The following GTF2F2 variants were observed in gnomAD, a reference collection of about 807,000 sequenced individuals.
GTF2F2 encodes general transcription factor IIF subunit 2, also known as ATP-dependent helicase GTF2F2.
GTF2F2 carries 23 observed loss-of-function variants against 42.2 expected under a neutral mutation model. The observed-to-expected ratio is 0.55, with a 90% CI of 0.39 to 0.77. The LOEUF (loss-of-function observed/expected upper bound fraction) is 0.77, where lower values mean the gene tolerates loss of function less well. Among genes scored for constraint, GTF2F2 ranks in the 30% least tolerant of loss-of-function variants. The probability of loss-of-function intolerance (pLI) is 0.00; values close to 1 mark genes in which losing one functional copy is unlikely to be tolerated. For missense variants in GTF2F2, 261 were observed against 287.2 expected (o/e 0.91, Z 0.66); for synonymous variants, 105 against 100.8 (o/e 1.04, Z -0.25).
intron 5 of GTF2F2, among the ~76,000 whole-genome samples, chr13:45,236,486 CACAT>C (rs1251130075): frequency 8.2e-6 from 1 of 121,300 alleles, no homozygotes; most frequent in African/African-American, 4.3e-5. Context: ...CCCCCCGCCA[CACAT>C]ACACACACAC....
At chr13:45,172,597 G>A (rs537622212) in intron 4 of GTF2F2, among the ~76,000 whole-genome samples, 2 of 152,156 alleles carry the variant, frequency 1.3e-5, no homozygotes, top group East Asian at 3.9e-4. Flanking sequence ...CTTTGATTTA[G>A]GTTCTGATCC....
intron 4 of GTF2F2, among the ~76,000 whole-genome samples, chr13:45,165,326 TATATA>T (rs1566120014): frequency 3.0e-5 from 4 of 132,014 alleles, no homozygotes; most frequent in African/African-American, 1.3e-4. Flanking sequence ...TATATATATA[TATATA>T]TTTTTTTTTT....
intron 5 of GTF2F2, among the ~76,000 whole-genome samples, chr13:45,243,817 C>A (rs1010743088): frequency 6.6e-6 from 1 of 152,134 alleles, no homozygotes; most frequent in Non-Finnish European, 1.5e-5. Context: ...GCTGCCACCA[C>A]ACCCAGCTAA....
intron 4 of GTF2F2, among the ~76,000 whole-genome samples, chr13:45,197,913 A>C (rs1476228292): frequency 6.6e-6 from 1 of 152,250 alleles, no homozygotes; most frequent in African/African-American, 2.4e-5. Context: ...CACATGTCAA[A>C]GATTAGCTTA....
At chr13:45,264,277 TA>T (rs1319146078) in intron 6 of GTF2F2, among the ~76,000 whole-genome samples, 3 of 151,048 alleles carry the variant, frequency 2.0e-5, no homozygotes, top group East Asian at 1.9e-4. Context: ...TTTTTATTTT[TA>T]TTTTTTTATT....
At chr13:45,197,859 C>T (rs553451897) in intron 4 of GTF2F2, among the ~76,000 whole-genome samples, 6 of 152,162 alleles carry the variant, frequency 3.9e-5, no homozygotes, top group Non-Finnish European at 7.4e-5. Context: ...AGATACAAAC[C>T]GGAACTGCTC....
intron 2 of GTF2F2, among the ~76,000 whole-genome samples, chr13:45,140,099 T>C (rs956917932): frequency 6.6e-6 from 1 of 152,016 alleles, no homozygotes; most frequent in Non-Finnish European, 1.5e-5. Context: ...AGGCAAGCAC[T>C]GCCATGCCCA....
chr13:45,264,253 T>C (rs1298269082), intron 6 of GTF2F2, among the ~76,000 whole-genome samples: 1 of 151,426 alleles, frequency 6.6e-6, no homozygotes. Context: ...CAAGATTTTT[T>C]TTTTATTTTT....
At chr13:45,261,202 G>A (rs959889195) in intron 6 of GTF2F2, among the ~76,000 whole-genome samples, 10 of 152,146 alleles carry the variant, frequency 6.6e-5, no homozygotes, top group East Asian at 1.9e-4. Context: ...CGCAGTGGGC[G>A]GATCATGAGA....
intron 4 of GTF2F2, among the ~76,000 whole-genome samples, chr13:45,200,984 C>T (rs77657704): frequency 0.012 from 1,812 of 152,250 alleles, 30 homozygotes; most frequent in African/African-American, 0.037. Context: ...TTTACAGGAG[C>T]TGGAAGTTCT....
At chr13:45,279,579 C>T (rs989848052) in intron 7 of GTF2F2, among the ~76,000 whole-genome samples, 11 of 152,318 alleles carry the variant, frequency 7.2e-5, no homozygotes, top group African/African-American at 2.6e-4. Flanking sequence ...TGCATAAGTA[C>T]ACTGAGTCTC....
intron 6 of GTF2F2, among the ~76,000 whole-genome samples, chr13:45,256,733 A>G (rs1242896582): frequency 6.6e-6 from 1 of 152,154 alleles, no homozygotes; most frequent in Non-Finnish European, 1.5e-5. Flanking sequence ...TAAAAGACTG[A>G]GAAACATAAA....
intron 4 of GTF2F2, among the ~76,000 whole-genome samples, chr13:45,187,933 G>T (rs1217585863): frequency 6.6e-6 from 1 of 152,160 alleles, no homozygotes. Flanking sequence ...TTTGAGATGG[G>T]AGTCTCACTC....
At chr13:45,138,512 C>T (rs542258083) in intron 2 of GTF2F2, among the ~76,000 whole-genome samples, 30 of 152,288 alleles carry the variant, frequency 2.0e-4, no homozygotes, top group South Asian at 4.1e-4. Context: ...CCACAGAACA[C>T]GCAGGCTCTG....
intron 5 of GTF2F2, among the ~76,000 whole-genome samples, chr13:45,223,262 T>TAA (rs60690884): frequency 0.019 from 1,803 of 96,064 alleles, 76 homozygotes; most frequent in African/African-American, 0.05. Context: ...CTTGTCTCAA[T>TAA]AAAAAAAAAA....
At chr13:45,204,714 T>C (rs941499920) in intron 4 of GTF2F2, among the ~76,000 whole-genome samples, 1 of 152,064 alleles carries the variant, frequency 6.6e-6, no homozygotes, top group Non-Finnish European at 1.5e-5. Flanking sequence ...CTTTTAAAAA[T>C]GTATTTAAGA....
intron 4 of GTF2F2, chr13:45,194,451 A>G (rs1872788761): frequency 6.2e-7 from 1 of 1,614,146 alleles, no homozygotes; most frequent in Non-Finnish European, 8.5e-7. Flanking sequence ...AATATCCACC[A>G]ACGTTGAGGG....
At chr13:45,174,728 A>C (rs1049544770) in intron 4 of GTF2F2, among the ~76,000 whole-genome samples, 1 of 147,702 alleles carries the variant, frequency 6.8e-6, no homozygotes, top group South Asian at 2.1e-4. Context: ...GAGGTCAGGG[A>C]GGACTTCAGA....
chr13:45,277,794 G>C (rs2138276862), intron 7 of GTF2F2, among the ~76,000 whole-genome samples: 2 of 152,242 alleles, frequency 1.3e-5, no homozygotes, highest in Admixed American at 1.3e-4. Context: ...TCTTGTGGTT[G>C]GATCACTTTA....
Sources: allele counts gnomAD v4.1 joint callset (sites outside exome capture counted in the v4.1 genomes callset), GRCh38; gene constraint gnomAD v4.1.1; transcripts MANE v1.5; gene names NCBI Gene and HGNC (gene_info 2026-07-23, HGNC 2026-07-21).